Variants in MAP2K1 observed in about 807,000 individuals in gnomAD.
MAP2K1 encodes the protein dual specificity mitogen-activated protein kinase kinase 1.
In MAP2K1, 16 loss-of-function variants were observed where a neutral mutation model predicts 46.3. The observed-to-expected ratio is 0.35, with a 90% CI of 0.23 to 0.52. MAP2K1 has a LOEUF of 0.52. MAP2K1 is among the 20% of genes least tolerant of loss of function. The pLI is 0.94. For missense variants in MAP2K1, 263 were observed against 497.1 expected (o/e 0.53, Z 4.48); for synonymous variants, 183 against 185.6 (o/e 0.99, Z 0.11).
intron 5 of MAP2K1, among the ~76,000 whole-genome samples, chr15:66,467,852 C>T (rs376945279): frequency 5.9e-5 from 9 of 152,328 alleles, no homozygotes; most frequent in East Asian, 3.9e-4. Context: ...TGCGCCACCG[C>T]GCCCGGTGGC....
At chr15:66,430,011 T>C (rs1330674814) in intron 1 of MAP2K1, among the ~76,000 whole-genome samples, 1 of 151,956 alleles carries the variant, frequency 6.6e-6, no homozygotes, top group Non-Finnish European at 1.5e-5. Flanking sequence ...CCTTCCCTCC[T>C]CTCCTCCTTC....
At chr15:66,456,721 G>C (rs1262400643) in intron 5 of MAP2K1, among the ~76,000 whole-genome samples, 1 of 152,126 alleles carries the variant, frequency 6.6e-6, no homozygotes, top group Non-Finnish European at 1.5e-5. Flanking sequence ...GTGTCCAGGG[G>C]ACTAGTGTTG....
intron 5 of MAP2K1, among the ~76,000 whole-genome samples, chr15:66,470,843 G>A (rs1016381547): frequency 6.6e-6 from 1 of 152,196 alleles, no homozygotes; most frequent in African/African-American, 2.4e-5. Context: ...CACAGCCTCA[G>A]GAGGTCCTGA....
At chr15:66,409,679 C>T (rs1463690288) in intron 1 of MAP2K1, among the ~76,000 whole-genome samples, 1 of 152,184 alleles carries the variant, frequency 6.6e-6, no homozygotes, top group Admixed American at 6.5e-5. Flanking sequence ...ATAACACTCT[C>T]TGGATAAATC....
intron 5 of MAP2K1, among the ~76,000 whole-genome samples, chr15:66,455,001 A>G (rs1006270085): frequency 6.6e-6 from 1 of 152,226 alleles, no homozygotes; most frequent in African/African-American, 2.4e-5. Flanking sequence ...AGGTTGGCTC[A>G]GTCAGGCAGA....
In MAP2K1 at chr15:66,397,016, T is replaced by C. The variant is rs1373171504; in HGVS notation, c.80+9589T>C. On this transcript the variant is annotated intron_variant, in intron 1 of 10. Coordinates refer to ENST00000307102, the MANE Select transcript of MAP2K1 (RefSeq NM_002755.4). ...GCTTCTTTTTTTTTTTTTTTTTTTT[T>C]TTTTTTGAGATGGAGTCTTGCTCTG... is the stretch of plus-strand genomic sequence containing the variant. 2.3e-4 allele frequency among the ~76,000 whole-genome samples: 30 copies of C among 129,894 alleles called. No homozygotes were observed. The East Asian group carries it at 6.3e-3, about 27-fold the overall frequency. 85.2% of individuals were successfully genotyped at this position (129,894 alleles called of 152,430 possible). A position where few individuals can be genotyped will look rare whatever the true frequency, so the allele number is the denominator to read the frequency against.
At chr15:66,453,336 A>G in intron 5 of MAP2K1, 1 of 611,688 alleles carries the variant, frequency 1.6e-6, no homozygotes, top group Non-Finnish European at 2.9e-6. Flanking sequence ...TGGGTCTCTG[A>G]ACAGATGTCT....
intron 1 of MAP2K1, among the ~76,000 whole-genome samples, chr15:66,416,947 C>G (rs760521732): frequency 6.6e-6 from 1 of 152,114 alleles, no homozygotes; most frequent in East Asian, 1.9e-4. Flanking sequence ...TATTTTGCAA[C>G]GTAATTCAGC....
chr15:66,421,065 C>T (rs959296832), intron 1 of MAP2K1, among the ~76,000 whole-genome samples: 1 of 141,918 alleles, frequency 7.0e-6, no homozygotes, highest in Non-Finnish European at 1.5e-5. Flanking sequence ...CACACATACA[C>T]ACACACATAT....
intron 1 of MAP2K1, among the ~76,000 whole-genome samples, chr15:66,412,228 A>C (rs2093413116): frequency 6.6e-6 from 1 of 152,244 alleles, no homozygotes; most frequent in South Asian, 2.1e-4. Flanking sequence ...GTGTTTAGGA[A>C]TCAGCTCCAG....
At chr15:66,404,191 G>C (rs1323272963) in intron 1 of MAP2K1, among the ~76,000 whole-genome samples, 2 of 152,120 alleles carry the variant, frequency 1.3e-5, no homozygotes, top group African/African-American at 4.8e-5. Flanking sequence ...TTCACTAAAG[G>C]AAAGACCAGT....
intron 1 of MAP2K1, among the ~76,000 whole-genome samples, chr15:66,422,687 G>T (rs2093446515): frequency 6.6e-6 from 1 of 152,292 alleles, no homozygotes; most frequent in South Asian, 2.1e-4. Flanking sequence ...TGACTATGAT[G>T]TGTCTAGGTG....
At chr15:66,404,058 C>T (rs1210408858) in intron 1 of MAP2K1, among the ~76,000 whole-genome samples, 1 of 152,150 alleles carries the variant, frequency 6.6e-6, no homozygotes, top group African/African-American at 2.4e-5. Flanking sequence ...GGTGGGAAAA[C>T]AGGCAGAAGA....
chr15:66,425,220 G>A (rs1567005550), intron 1 of MAP2K1, among the ~76,000 whole-genome samples: 1 of 152,156 alleles, frequency 6.6e-6, no homozygotes, highest in Admixed American at 6.5e-5. Context: ...GTCTTGGGCA[G>A]GAGAAAGTTT....
chr15:66,459,083 G>A (rs909377801), intron 5 of MAP2K1, among the ~76,000 whole-genome samples: 3 of 151,956 alleles, frequency 2.0e-5, no homozygotes, highest in African/African-American at 7.3e-5. Context: ...GGGAGGTTGA[G>A]GAGGGCGGAT....
At chr15:66,400,024 TCTA>T (rs1193442463) in intron 1 of MAP2K1, among the ~76,000 whole-genome samples, 1 of 152,228 alleles carries the variant, frequency 6.6e-6, no homozygotes, top group African/African-American at 2.4e-5. Flanking sequence ...ATTCACTAAA[TCTA>T]CTTTATGAAT....
chr15:66,448,186 C>T (rs1288215831), intron 5 of MAP2K1, among the ~76,000 whole-genome samples: 1 of 150,650 alleles, frequency 6.6e-6, no homozygotes, highest in East Asian at 1.9e-4. Context: ...CACTATTTCC[C>T]CCTTTCCCCA....
chr15:66,481,464 C>G (rs1892914263), intron 5 of MAP2K1, among the ~76,000 whole-genome samples: 1 of 152,174 alleles, frequency 6.6e-6, no homozygotes, highest in Non-Finnish European at 1.5e-5. Context: ...ATAACGGACT[C>G]CTTCCTGTGG....
intron 5 of MAP2K1, among the ~76,000 whole-genome samples, chr15:66,449,198 A>AT (rs1473850102): frequency 6.6e-6 from 1 of 152,196 alleles, no homozygotes; most frequent in Non-Finnish European, 1.5e-5. Context: ...TAGCAGCTTT[A>AT]TTTATAATTG....
Sources: allele counts gnomAD v4.1 joint callset (sites outside exome capture counted in the v4.1 genomes callset), GRCh38; gene constraint gnomAD v4.1.1; transcripts MANE v1.5; gene names NCBI Gene and HGNC (gene_info 2026-07-23, HGNC 2026-07-21).